CAMK4: variants seen among roughly 807,000 people sequenced by gnomAD.
The protein encoded by CAMK4 is calcium/calmodulin-dependent protein kinase type IV.
Under a neutral mutation model 44.9 loss-of-function variants are expected in CAMK4, and 22 were observed. The ratio of observed to expected loss-of-function variants is 0.49; its 90% CI spans 0.35 to 0.70. The LOEUF is 0.70. Ranked by LOEUF, CAMK4 falls within the 30% of genes least tolerant of loss-of-function variation. CAMK4 has a pLI of 0.01. For synonymous variants in CAMK4, 218 were observed against 215.4 expected (o/e 1.01, Z -0.11); for missense variants, 498 against 586.8 (o/e 0.85, Z 1.56).
At position 111,394,762 on chromosome 5, in the gene CAMK4, C is replaced by A. The variant is rs751458628; in HGVS notation, c.439C>A (p.Gln147Lys). 6.2e-7 allele frequency: 1 copy of A among 1,611,626 alleles called. No homozygotes were observed. ...GCGAGATGCTGCAGATGCCGTTAAA[C>A]AAATCCTGGAGGCAGTTGCTGTAAG... ...SERDAADAVKQILEAVAYLHE... is the reference protein window; with the variant it reads ...SERDAADAVKKILEAVAYLHE... Residue 147 changes from glutamine to lysine, a missense_variant, in exon 5 of 11, where the codon CAA (glutamine) becomes AAA (lysine). By Grantham distance (53) the Gln-to-Lys change is moderately conservative (BLOSUM62 1). Transcript: ENST00000282356.
chr5:111,339,468 A>G (rs1561423514), intron 1 of CAMK4, among the ~76,000 whole-genome samples: 2 of 151,324 alleles, frequency 1.3e-5, no homozygotes, highest in Non-Finnish European at 3.0e-5. Flanking sequence ...TCCCAGCACC[A>G]TTTATTAATG....
At chr5:111,315,717 G>C (rs373018836) in intron 1 of CAMK4, among the ~76,000 whole-genome samples, 3 of 152,168 alleles carry the variant, frequency 2.0e-5, no homozygotes, top group East Asian at 3.9e-4. Flanking sequence ...ATGTTAGCTT[G>C]GAAAAAGCGA....
intron 2 of CAMK4, among the ~76,000 whole-genome samples, chr5:111,367,588 C>A (rs1026170644): frequency 6.6e-6 from 1 of 152,080 alleles, no homozygotes; most frequent in Non-Finnish European, 1.5e-5. Flanking sequence ...CTATTTCATG[C>A]AGGTTAGGCC....
intron 5 of CAMK4, among the ~76,000 whole-genome samples, chr5:111,395,223 A>AG (rs1751956949): frequency 9.6e-6 from 1 of 104,678 alleles, no homozygotes; most frequent in South Asian, 4.2e-4. Flanking sequence ...AAAAAAAAAA[A>AG]AAAAGAAAAA....
At chr5:111,390,821 G>A (rs1264466268) in intron 4 of CAMK4, among the ~76,000 whole-genome samples, 1 of 152,134 alleles carries the variant, frequency 6.6e-6, no homozygotes, top group Admixed American at 6.6e-5. Context: ...TCCCCATGAA[G>A]CCTAACATAC....
intron 1 of CAMK4, among the ~76,000 whole-genome samples, chr5:111,343,451 A>T (rs996428333): frequency 6.6e-6 from 1 of 151,646 alleles, no homozygotes; most frequent in Non-Finnish European, 1.5e-5. Flanking sequence ...CCTGCTTTTT[A>T]ATGCTTTCTT....
chr5:111,294,366 T>C (rs1338709871), intron 1 of CAMK4, among the ~76,000 whole-genome samples: 1 of 152,226 alleles, frequency 6.6e-6, no homozygotes, highest in Non-Finnish European at 1.5e-5. Flanking sequence ...TAGTACCCTC[T>C]AATTACTTTG....
In CAMK4 at chr5:111,224,884, C is replaced by G. The variant is rs923216402; in HGVS notation, c.161+240C>G. Among the ~76,000 whole-genome samples the G allele has an allele frequency of 6.6e-6, 1 of 152,056 alleles. No individual in the cohort carries two copies. The highest frequency in any genetic ancestry group is 2.4e-5 in the African/African-American group (1 of 41,432). Reference sequence around the variant, plus strand: ...GCCCGACTCCCTCCCACCTTCCCTCCTTCTCGCAGGCTGCCACTTCCCTTG... The same window carrying G: ...GCCCGACTCCCTCCCACCTTCCCTCGTTCTCGCAGGCTGCCACTTCCCTTG... On this transcript the variant is annotated intron_variant, in intron 1 of 10. Transcript: ENST00000282356. This position sits in a 1 kb window ranked among gnomAD's most constrained non-coding sequence, Gnocchi z 5.7.
rs1755759871 is a variant in CAMK4, at chr5:111,489,976, A to G, written c.*5510A>G. On this transcript the variant is annotated 3_prime_UTR_variant, in exon 11 of 11. Coordinates refer to ENST00000282356, the MANE Select transcript of CAMK4 (RefSeq NM_001744.6). ...GTTTGATACTCTAAACAGCAATGCA[A>G]AGACTGCAAAATCACACTATTCTAA... 6.6e-6 allele frequency: 1 copy of G among 152,244 alleles called. No individual in the cohort carries two copies. The highest frequency in any genetic ancestry group is 1.5e-5 in the Non-Finnish European group (1 of 68,046). 9.4% of individuals were successfully genotyped at this position (152,244 alleles called of 1,614,324 possible).
intron 1 of CAMK4, among the ~76,000 whole-genome samples, chr5:111,294,710 A>G (rs1747416047): frequency 6.6e-6 from 1 of 151,736 alleles, no homozygotes; most frequent in Non-Finnish European, 1.5e-5. Flanking sequence ...GTGGGAACTC[A>G]GAAGCACATG....
At chr5:111,246,528 A>G (rs994327190) in intron 1 of CAMK4, among the ~76,000 whole-genome samples, 1 of 152,148 alleles carries the variant, frequency 6.6e-6, no homozygotes, top group Non-Finnish European at 1.5e-5. Flanking sequence ...ATTTCTCTGC[A>G]TTTATTTTAG....
chr5:111,351,705 C>G (rs1750115224), intron 2 of CAMK4, among the ~76,000 whole-genome samples: 1 of 152,042 alleles, frequency 6.6e-6, no homozygotes, highest in African/African-American at 2.4e-5. Context: ...AGCCACCACT[C>G]CTGGCCACAA....
chr5:111,453,457 T>A (rs1376255233), intron 7 of CAMK4, among the ~76,000 whole-genome samples: 2 of 152,232 alleles, frequency 1.3e-5, no homozygotes, highest in African/African-American at 2.4e-5. Context: ...CTCTCATCAG[T>A]CTGGCATGTA....
chr5:111,399,568 CACTT>C (rs1371412511), intron 5 of CAMK4, among the ~76,000 whole-genome samples: 2 of 152,152 alleles, frequency 1.3e-5, no homozygotes, highest in African/African-American at 2.4e-5. Flanking sequence ...GCTCAATAAA[CACTT>C]ACTGAATAAG....
chr5:111,443,420 A>G lies in CAMK4; in HGVS notation c.460-3266A>G, dbSNP rs146390057. On this transcript the variant is annotated intron_variant, in intron 5 of 10. Coordinates refer to ENST00000282356, the MANE Select transcript of CAMK4 (RefSeq NM_001744.6). Reference sequence around the variant, plus strand: ...CTTTCTACACCAAGTAATGTTTAGCAAATCATCTCTGCATGTCTTTTTAAA... The same window carrying G: ...CTTTCTACACCAAGTAATGTTTAGCGAATCATCTCTGCATGTCTTTTTAAA... Among the ~76,000 whole-genome samples the G allele has an allele frequency of 5.9e-3, 878 of 149,380 alleles. 13 individuals carry two copies. The highest frequency in any genetic ancestry group is 0.02 in the African/African-American group (823 of 40,792).
chr5:111,381,956 G>A (rs536365288), intron 4 of CAMK4, among the ~76,000 whole-genome samples: 20 of 150,336 alleles, frequency 1.3e-4, no homozygotes, highest in Admixed American at 2.7e-4. Context: ...CTTCCCAGTC[G>A]AGGCAACCAG....
intron 2 of CAMK4, among the ~76,000 whole-genome samples, chr5:111,366,749 C>T (rs1750807766): frequency 6.6e-6 from 1 of 152,016 alleles, no homozygotes; most frequent in Non-Finnish European, 1.5e-5. Flanking sequence ...TCTCCCCTAC[C>T]ATGGGGACAG....
intron 7 of CAMK4, chr5:111,449,628 C>A (rs1249411091): frequency 6.5e-6 from 1 of 152,908 alleles, no homozygotes; most frequent in Non-Finnish European, 1.5e-5. Context: ...CTAGTTCTTT[C>A]CATGGCCTGG....
At chr5:111,342,477 C>G (rs1442351739) in intron 1 of CAMK4, among the ~76,000 whole-genome samples, 5 of 151,444 alleles carry the variant, frequency 3.3e-5, no homozygotes, top group South Asian at 2.1e-4. Flanking sequence ...TTTGCACCAA[C>G]CTAATGTATC....
Sources: allele counts gnomAD v4.1 joint callset (sites outside exome capture counted in the v4.1 genomes callset), GRCh38; gene constraint gnomAD v4.1.1; non-coding constraint Gnocchi (gnomAD v3.1); transcripts MANE v1.5; gene names NCBI Gene and HGNC (gene_info 2026-07-23, HGNC 2026-07-21).